The following COL19A1 variants were observed in gnomAD, a reference collection of about 807,000 sequenced individuals.
COL19A1 encodes the protein collagen type XIX alpha 1 chain, also known as collagen alpha-1(XIX) chain.
COL19A1 carries 159 observed loss-of-function variants against 190.2 expected under a neutral mutation model. The observed-to-expected ratio is 0.84, with a 90% confidence interval of 0.73 to 0.95. The LOEUF (loss-of-function observed/expected upper bound fraction) is 0.95. Among genes scored for constraint, COL19A1 ranks in the 40% least tolerant of loss-of-function variants. COL19A1 has a pLI of 0.00. For synonymous variants in COL19A1, 509 were observed against 458.9 expected, an observed-to-expected ratio of 1.11 and a Z score of -1.39; for missense variants, 1,418 against 1,431.9, an observed-to-expected ratio of 0.99 and a Z score of 0.16.
At chr6:70,000,174 C>T (rs1007857661) in intron 11 of COL19A1, among the ~76,000 whole-genome samples, 9 of 152,136 alleles carry the variant, frequency 5.9e-5, no homozygotes, top group Non-Finnish European at 8.8e-5. Context: ...CGGCTTCATC[C>T]ATGTCCCTGC....
At position 70,211,125 on chromosome 6, in the gene COL19A1, A is replaced by G. The variant is rs1237452576; in HGVS notation, c.*3851A>G. On this transcript the variant is annotated 3_prime_UTR_variant, in exon 51 of 51. Coordinates refer to ENST00000620364, the MANE Select transcript of COL19A1 (RefSeq NM_001858.6). The stretch of plus-strand genomic sequence containing the variant: ...TAAAACTACACAATGTCTAAACTCT[A>G]TGTTGCTCAGTGTACTTAAAATTTT... Among the ~76,000 whole-genome samples, 1 of 152,170 alleles carries G rather than the reference A, an allele frequency of 6.6e-6. No homozygotes were observed. Among genetic ancestry groups the G allele is most frequent in the Admixed American group, 6.5e-5 (1 of 15,282 alleles).
chr6:70,061,316 A>G (rs1402567245), intron 14 of COL19A1, among the ~76,000 whole-genome samples: 1 of 152,156 alleles, frequency 6.6e-6, no homozygotes, highest in Admixed American at 6.6e-5. Flanking sequence ...TAGAATTACA[A>G]ATTGGTCTTG....
At chr6:70,069,461 C>T (rs1781427422) in intron 15 of COL19A1, among the ~76,000 whole-genome samples, 1 of 152,068 alleles carries the variant, frequency 6.6e-6, no homozygotes, top group African/African-American at 2.4e-5. Flanking sequence ...GTTCTCTTAT[C>T]GTATGGATTC....
intron 12 of COL19A1, among the ~76,000 whole-genome samples, chr6:70,024,619 G>C: frequency 6.8e-6 from 1 of 146,594 alleles, no homozygotes; most frequent in South Asian, 2.2e-4. Context: ...GTGTGTGGGT[G>C]TGTGGGTGTG....
At chr6:69,897,489 C>A (rs1769875261) in intron 2 of COL19A1, among the ~76,000 whole-genome samples, 1 of 141,350 alleles carries the variant, frequency 7.1e-6, no homozygotes, top group East Asian at 2.2e-4. Context: ...ACACACACAC[C>A]CCATACTGTT....
chr6:70,002,786 C>A (rs1777344715), intron 11 of COL19A1, among the ~76,000 whole-genome samples: 2 of 145,870 alleles, frequency 1.4e-5, no homozygotes, highest in African/African-American at 5.0e-5. Context: ...AGCTAGTGAT[C>A]TATCCATGTT....
chr6:69,921,172 C>T (rs545132843), intron 4 of COL19A1, among the ~76,000 whole-genome samples: 59 of 126,626 alleles, frequency 4.7e-4, no homozygotes, highest in Admixed American at 1.4e-3. Flanking sequence ...TATTCATATA[C>T]GTATCACATA....
rs1784913171 is a variant in COL19A1 at position 70,122,011 on chromosome 6, A to G, written c.1341+69A>G. On this transcript the variant is annotated intron_variant, in intron 17 of 50. Transcript: ENST00000620364. Reference sequence around the variant, plus strand: ...TATATGATTGTATTTTTGAAAAAAAACTTATTAATTCCTAACTTCTCAGAC... The same window carrying G: ...TATATGATTGTATTTTTGAAAAAAAGCTTATTAATTCCTAACTTCTCAGAC... 8 of 1,022,940 alleles carry G rather than the reference A, an allele frequency of 7.8e-6. No homozygotes were observed. The South Asian group carries it at 9.5e-5, about 12-fold the overall frequency. The allele number at this position is 1,022,940 out of a possible 1,614,324, so 63.4% of individuals were successfully genotyped here.
chr6:69,946,539 T>G (rs965543657), intron 9 of COL19A1, among the ~76,000 whole-genome samples: 1 of 152,064 alleles, frequency 6.6e-6, no homozygotes, highest in South Asian at 2.1e-4. Flanking sequence ...GAATTACTGA[T>G]TTTTTACAAT....
At chr6:70,133,471 T>C (rs1353726474) in intron 18 of COL19A1, among the ~76,000 whole-genome samples, 1 of 152,174 alleles carries the variant, frequency 6.6e-6, no homozygotes, top group East Asian at 1.9e-4. Context: ...AAATGAACGA[T>C]CCCTGCTCTG....
In COL19A1 at chr6:70,199,719, G is replaced by A; in HGVS notation, c.3206G>A (p.Gly1069Glu). ...AAGGATGGGTTGCCTGGGCCACCAG[G>A]AGACCCTGGACCCCAAGGTAAGTCT... Reference protein sequence around the residue: ...PGKDGLPGPPGDPGPQGYRGQ... With the variant: ...PGKDGLPGPPEDPGPQGYRGQ... The change falls in exon 49 of 51, where the codon GGA becomes GAA. Residue 1069 changes from glycine (G) to glutamate (E), a missense_variant. Coordinates refer to ENST00000620364, the MANE Select transcript of COL19A1 (RefSeq NM_001858.6). 1 of 1,610,544 alleles carries A rather than the reference G, an allele frequency of 6.2e-7. No homozygotes were observed.
At chr6:69,945,969 A>T (rs1582484756) in intron 9 of COL19A1, among the ~76,000 whole-genome samples, 1 of 151,946 alleles carries the variant, frequency 6.6e-6, no homozygotes, top group East Asian at 1.9e-4. Context: ...ACTTCCTTGC[A>T]CCTGTTTTTC....
intron 16 of COL19A1, among the ~76,000 whole-genome samples, chr6:70,105,651 CT>C (rs1783908433): frequency 6.6e-6 from 1 of 152,046 alleles, no homozygotes; most frequent in Non-Finnish European, 1.5e-5. Flanking sequence ...TGACATGCAT[CT>C]TACTTTATAG....
chr6:69,971,548 T>A (rs946679136), intron 11 of COL19A1, among the ~76,000 whole-genome samples: 1 of 152,118 alleles, frequency 6.6e-6, no homozygotes, highest in African/African-American at 2.4e-5. Context: ...CATCATAAGG[T>A]CCTTGGCAGG....
At position 70,036,667 on chromosome 6, in the gene COL19A1, T is replaced by C. The variant is rs1025048044; in HGVS notation, c.1170+728T>C. ...AATGGAAAAGAGGACAGTTTTGTTT[T>C]GTTTTTTTTAAAAAAGATCTTCTAT... On this transcript the variant is annotated intron_variant, in intron 14 of 50. Coordinates refer to ENST00000620364, the MANE Select transcript of COL19A1 (RefSeq NM_001858.6). Among the ~76,000 whole-genome samples, 3 of 151,538 alleles carry C rather than the reference T, an allele frequency of 2.0e-5. No homozygotes were observed. The Admixed American group carries it at 2.0e-4, about 10-fold the overall frequency.
chr6:70,138,151 T>C (rs747798895), intron 19 of COL19A1, among the ~76,000 whole-genome samples: 7 of 152,142 alleles, frequency 4.6e-5, no homozygotes, highest in East Asian at 1.9e-4. Context: ...ATAAAATCAA[T>C]GTATCAAAAG....
chr6:70,148,274 C>T (rs776782043), intron 27 of COL19A1, among the ~76,000 whole-genome samples: 3 of 151,982 alleles, frequency 2.0e-5, no homozygotes, highest in Admixed American at 6.6e-5. Flanking sequence ...CAGGAGCCCA[C>T]CGAGAGTCAC....
At chr6:70,049,888 A>G (rs147919233) in intron 14 of COL19A1, among the ~76,000 whole-genome samples, 6 of 152,240 alleles carry the variant, frequency 3.9e-5, no homozygotes, top group Admixed American at 2.0e-4. Context: ...ATTCTATTCT[A>G]AGCATTTAAA....
At chr6:69,874,706 G>A (rs959286129) in intron 1 of COL19A1, among the ~76,000 whole-genome samples, 4 of 151,734 alleles carry the variant, frequency 2.6e-5, no homozygotes, top group Admixed American at 2.0e-4. Flanking sequence ...AGCCGAGATC[G>A]CACCACTGCA....
Sources: gnomAD v4.1 joint callset for allele counts (sites outside exome capture counted in the v4.1 genomes callset) on GRCh38, gnomAD v4.1.1 for gene constraint, MANE v1.5 for transcripts, NCBI Gene and HGNC (gene_info 2026-07-23, HGNC 2026-07-21) for gene names.